The following FGGY variants were observed in gnomAD, a reference collection of about 807,000 sequenced individuals.
FGGY encodes the protein FGGY carbohydrate kinase domain-containing protein.
In FGGY, 72 loss-of-function variants were observed where a neutral mutation model predicts 71.3. That is an observed-to-expected ratio of 1.01 (90% CI 0.84 to 1.23). FGGY has a LOEUF of 1.23. Among genes scored for constraint, FGGY ranks in the 50% most tolerant of loss-of-function variants. The pLI is 0.00. For missense variants in FGGY, 668 were observed against 682.3 expected (o/e 0.98, Z 0.23); for synonymous variants, 251 against 250.3 (o/e 1.00, Z -0.02).
chr1:59,733,889 G>A (rs1439595989), intron 14 of FGGY, among the ~76,000 whole-genome samples: 1 of 152,192 alleles, frequency 6.6e-6, no homozygotes, highest in Non-Finnish European at 1.5e-5. Context: ...TGTCACTGAA[G>A]CATGTTTTCT....
At chr1:59,379,945 G>A (rs111817664) in intron 5 of FGGY, among the ~76,000 whole-genome samples, 11,564 of 150,578 alleles carry the variant, frequency 0.077, 519 homozygotes, top group Non-Finnish European at 0.1. Flanking sequence ...GCTATCCCCC[G>A]CCTCCCCACC....
chr1:59,618,807 C>T (rs2153832811), intron 9 of FGGY, among the ~76,000 whole-genome samples: 1 of 152,092 alleles, frequency 6.6e-6, no homozygotes, highest in Non-Finnish European at 1.5e-5. Flanking sequence ...CCCTCAGTCT[C>T]TCAGGGGCAT....
At chr1:59,751,299 C>G (rs2098243214) in intron 14 of FGGY, among the ~76,000 whole-genome samples, 1 of 152,132 alleles carries the variant, frequency 6.6e-6, no homozygotes, top group Non-Finnish European at 1.5e-5. Flanking sequence ...GAGTACAAAG[C>G]TTAAACCAGT....
intron 7 of FGGY, 96 bp from the exon 8 acceptor site, chr1:59,554,028 T>G (rs1483587714): frequency 5.2e-6 from 5 of 955,586 alleles, no homozygotes; most frequent in African/African-American, 1.6e-5. Flanking sequence ...GTTGTTTGAC[T>G]ATTAAAAAGA....
intron 5 of FGGY, among the ~76,000 whole-genome samples, chr1:59,379,846 A>G (rs2059169747): frequency 6.6e-6 from 1 of 151,774 alleles, no homozygotes; most frequent in East Asian, 1.9e-4. Context: ...CATGTGCACA[A>G]CCTGCAGGTT....
intron 3 of FGGY, among the ~76,000 whole-genome samples, chr1:59,343,362 C>G (rs1196590703): frequency 6.6e-6 from 1 of 152,146 alleles, no homozygotes; most frequent in Admixed American, 6.6e-5. Flanking sequence ...TCCCATGCTG[C>G]CTTATTGTAT....
chr1:59,714,412 G>C (rs1288195781), intron 14 of FGGY, among the ~76,000 whole-genome samples: 2 of 152,138 alleles, frequency 1.3e-5, no homozygotes, highest in Non-Finnish European at 2.9e-5. Context: ...TCATTGCTTT[G>C]TCTCTGGGAG....
chr1:59,520,672 A>G, intron 7 of FGGY, among the ~76,000 whole-genome samples: 1 of 152,334 alleles, frequency 6.6e-6, no homozygotes, highest in Admixed American at 6.5e-5. Flanking sequence ...TAAGATAATA[A>G]ATATAAGAGG....
In FGGY at chr1:59,404,797, G is replaced by T. The variant is rs544902500; in HGVS notation, c.554+25960G>T. 4.6e-5 allele frequency among the ~76,000 whole-genome samples: 7 copies of T among 152,262 alleles called. No individual in the cohort carries two copies. In the East Asian group the frequency reaches 1.2e-3, roughly 25 times the overall value. ...AGGAGGGTGAGAACCTAGCATCTGG[G>T]TGTCTGCTAGATAGATGCTGCTGCA... On this transcript the variant is annotated intron_variant, in intron 5 of 15. Transcript: ENST00000303721.
chr1:59,545,133 G>A (rs2153692991), intron 7 of FGGY, among the ~76,000 whole-genome samples: 1 of 152,284 alleles, frequency 6.6e-6, no homozygotes, highest in African/African-American at 2.4e-5. Context: ...TTCCACCACT[G>A]CTAGACTGGG....
At chr1:59,520,221 C>T (rs1271120054) in intron 7 of FGGY, among the ~76,000 whole-genome samples, 1 of 152,200 alleles carries the variant, frequency 6.6e-6, no homozygotes, top group Non-Finnish European at 1.5e-5. Flanking sequence ...AAGGGTTTTG[C>T]TGATACATTA....
chr1:59,315,268 C>T (rs948059974), intron 1 of FGGY, among the ~76,000 whole-genome samples: 1 of 131,802 alleles, frequency 7.6e-6, no homozygotes, highest in Admixed American at 7.5e-5. Flanking sequence ...AGGTATATGT[C>T]TGCTTTTTTT....
intron 6 of FGGY, among the ~76,000 whole-genome samples, chr1:59,496,556 C>T (rs1266917260): frequency 2.0e-5 from 3 of 151,916 alleles, no homozygotes; most frequent in Admixed American, 6.6e-5. Flanking sequence ...GGGTGAGGAT[C>T]GAAAAACTAC....
chr1:59,415,910 T>C (rs1157534177), intron 5 of FGGY, among the ~76,000 whole-genome samples: 1 of 152,218 alleles, frequency 6.6e-6, no homozygotes, highest in Non-Finnish European at 1.5e-5. Context: ...AGAATTCTGA[T>C]TAGTTTCATT....
At chr1:59,463,267 C>T (rs561638985) in intron 6 of FGGY, among the ~76,000 whole-genome samples, 20 of 152,184 alleles carry the variant, frequency 1.3e-4, no homozygotes, top group Non-Finnish European at 2.8e-4. Context: ...AACTAAGCTT[C>T]ATAAGTGAAG....
At chr1:59,745,614 G>A (rs566892203) in intron 14 of FGGY, among the ~76,000 whole-genome samples, 71 of 152,252 alleles carry the variant, frequency 4.7e-4, no homozygotes, top group Middle Eastern at 6.8e-3. Flanking sequence ...TGCTCCTTCC[G>A]AAGCAGATTT....
intron 8 of FGGY, among the ~76,000 whole-genome samples, chr1:59,564,490 G>A (rs1168329629): frequency 2.0e-5 from 3 of 152,202 alleles, no homozygotes; most frequent in Admixed American, 6.5e-5. Context: ...CCTGGGCCTG[G>A]GGGGCCCATG....
intron 14 of FGGY, among the ~76,000 whole-genome samples, chr1:59,722,151 A>G (rs1355999386): frequency 6.8e-6 from 1 of 146,108 alleles, no homozygotes; most frequent in Non-Finnish European, 1.5e-5. Flanking sequence ...TATGTCCTTC[A>G]GTTGAGATTT....
At chr1:59,620,317 C>T (rs947604874) in intron 9 of FGGY, among the ~76,000 whole-genome samples, 1 of 151,994 alleles carries the variant, frequency 6.6e-6, no homozygotes, top group Non-Finnish European at 1.5e-5. Flanking sequence ...AAATATGTTG[C>T]CAATCCATCT....
Sources: allele counts gnomAD v4.1 joint callset (sites outside exome capture counted in the v4.1 genomes callset), GRCh38; gene constraint gnomAD v4.1.1; transcripts MANE v1.5; gene names NCBI Gene and HGNC (gene_info 2026-07-23, HGNC 2026-07-21).